Variants in CTBP1 observed in about 807,000 individuals in gnomAD.
CTBP1 encodes the protein C-terminal binding protein 1, also known as C-terminal-binding protein 1.
Under a neutral mutation model 42.1 loss-of-function variants are expected in CTBP1, and 11 were observed. The ratio of observed to expected loss-of-function variants is 0.26; its 90% CI spans 0.16 to 0.43. CTBP1 has a LOEUF of 0.43. CTBP1 is among the 20% of genes least tolerant of loss of function. CTBP1 has a pLI of 1.00. For missense variants in CTBP1, 399 were observed against 624.3 expected (o/e 0.64, Z 3.85); for synonymous variants, 324 against 277.1 (o/e 1.17, Z -1.68).
chr4:1,243,666 T>C (rs1732421069), intron 1 of CTBP1: 1 of 985,430 alleles, frequency 1.0e-6, no homozygotes, highest in African/African-American at 1.7e-5. Context: ...CCAGAGGCCC[T>C]GCGCACCTCA....
In CTBP1 at chr4:1,230,654, T is replaced by G. The variant is rs890714136; in HGVS notation, c.163-2311A>C. Among the ~76,000 whole-genome samples, 4 of 152,252 alleles carry G rather than the reference T, an allele frequency of 2.6e-5. No homozygotes were observed. The East Asian group carries it at 7.7e-4, about 29-fold the overall frequency. On this transcript the variant is annotated intron_variant, in intron 3 of 9. Transcript: ENST00000382952. ...GCTTGTGTGTACGCAGGCAACAGCC[T>G]GCTTTCACCCGGAGCACTGGCCACG...
At chr4:1,247,508 G>A (rs1577087079) in intron 1 of CTBP1, among the ~76,000 whole-genome samples, 1 of 152,078 alleles carries the variant, frequency 6.6e-6, no homozygotes, top group Admixed American at 6.5e-5. Context: ...GCAGAGCCAC[G>A]CCCTACAAAG....
intron 5 of CTBP1, among the ~76,000 whole-genome samples, chr4:1,223,735 C>A (rs1465860108): frequency 6.6e-6 from 1 of 152,096 alleles, no homozygotes; most frequent in Non-Finnish European, 1.5e-5. Context: ...TGCTCCCCCT[C>A]CCTCACGGGG....
At position 1,211,970 on chromosome 4, in the gene CTBP1, A is replaced by G; in HGVS notation, c.*270T>C. Reference sequence around the variant, plus strand: ...GCAAACAGATCCTTTGTAATGTTCTAAAAACTGTACACAGACAAGAACGTT... The same window carrying G: ...GCAAACAGATCCTTTGTAATGTTCTGAAAACTGTACACAGACAAGAACGTT... On this transcript the variant is annotated 3_prime_UTR_variant, in exon 10 of 10. Coordinates refer to ENST00000382952, the MANE Select transcript of CTBP1 (RefSeq NM_001012614.2). 1 of 332,462 alleles carries G rather than the reference A, an allele frequency of 3.0e-6. No individual in the cohort carries two copies. Among genetic ancestry groups the G allele is most frequent in the East Asian group, 4.6e-5 (1 of 21,538 alleles). The allele number at this position is 332,462 out of a possible 1,614,324, so 20.6% of individuals were successfully genotyped here.
chr4:1,233,518 C>T lies in CTBP1; in HGVS notation c.162+4665G>A, dbSNP rs1367953059. 6.6e-6 allele frequency among the ~76,000 whole-genome samples: 1 copy of T among 152,146 alleles called. No individual in the cohort carries two copies. The highest frequency in any genetic ancestry group is 1.9e-4 in the East Asian group (1 of 5,188). On this transcript the variant is annotated intron_variant, in intron 3 of 9. Coordinates refer to ENST00000382952, the MANE Select transcript of CTBP1 (RefSeq NM_001012614.2). This position sits in a 1 kb window ranked among gnomAD's most constrained non-coding sequence, Gnocchi z 4.6. ...CGCAGCCCACACCGGACGCAGCCTC[C>T]AGGCTCCAGGGCTTCCTTTTTCTTG...
intron 3 of CTBP1, among the ~76,000 whole-genome samples, chr4:1,230,708 GCACGT>G (rs1730876470): frequency 6.6e-6 from 1 of 152,252 alleles, no homozygotes. Context: ...CTGAACCGCG[GCACGT>G]CACCTCCCGC....
chr4:1,222,007 A>G (rs923941664), intron 5 of CTBP1, among the ~76,000 whole-genome samples: 16 of 152,178 alleles, frequency 1.1e-4, no homozygotes, highest in Admixed American at 2.0e-4. Context: ...CACGCTGCCC[A>G]GGGCTTCCAC....
rs1730245019 is a variant in CTBP1, at chr4:1,225,576, C to T, written c.308-10G>A. ...TTGCAGACGGCAATGCCTGTGGGGA[C>T]AAGGACACGGCGGTCACCCCCGGGC... On this transcript the variant is annotated splice_polypyrimidine_tract_variant and intron_variant, in intron 4 of 9. Transcript: ENST00000382952. 6.5e-7 allele frequency: 1 copy of T among 1,537,902 alleles called. No individual in the cohort carries two copies. Among genetic ancestry groups the T allele is most frequent in the Non-Finnish European group, 8.7e-7 (1 of 1,146,012 alleles).
rs1733086993 is a variant in CTBP1, at chr4:1,249,051, C to T, written c.-324G>A. ...GCGGCCTCGGCGCCGTCCGCTGCTC[C>T]GCCCGCCCGCCTGCGCCTGGCCGCC... On this transcript the variant is annotated 5_prime_UTR_variant, in exon 1 of 10. Transcript: ENST00000382952. 4.2e-6 allele frequency: 2 copies of T among 477,722 alleles called. No homozygotes were observed. Among genetic ancestry groups the T allele is most frequent in the South Asian group, 8.6e-5 (1 of 11,676 alleles). The allele number at this position is 477,722 out of a possible 1,614,324, so 29.6% of individuals were successfully genotyped here.
At position 1,249,005 on chromosome 4, in the gene CTBP1, G is replaced by T. The variant is rs1733080750; in HGVS notation, c.-278C>A. ...CCCGACCACTCCGGCGCGCTGCGCC[G>T]CCGCGAGCCCGGCGCGTGGGGCGGC... On this transcript the variant is annotated 5_prime_UTR_variant, in exon 1 of 10. Coordinates refer to ENST00000382952, the MANE Select transcript of CTBP1 (RefSeq NM_001012614.2). 2 of 936,146 alleles carry T rather than the reference G, an allele frequency of 2.1e-6. No individual in the cohort carries two copies. Among genetic ancestry groups the T allele is most frequent in the Non-Finnish European group, 2.5e-6 (2 of 788,182 alleles). The allele number at this position is 936,146 out of a possible 1,614,324, so 58.0% of individuals were successfully genotyped here.
At position 1,241,504 on chromosome 4, in the gene CTBP1, C is replaced by T. The variant is rs779165081; in HGVS notation, c.-173G>A. Reference sequence around the variant, plus strand: ...CCGCGGCAATCACTGAAGCCTGCGTCGGGGTCAAAGTCTTACTAAAAATCA... The same window carrying T: ...CCGCGGCAATCACTGAAGCCTGCGTTGGGGTCAAAGTCTTACTAAAAATCA... On this transcript the variant is annotated 5_prime_UTR_variant, in exon 2 of 10. Coordinates refer to ENST00000382952, the MANE Select transcript of CTBP1 (RefSeq NM_001012614.2). 9.4e-6 allele frequency: 15 copies of T among 1,600,170 alleles called. No individual in the cohort carries two copies. The highest frequency in any genetic ancestry group is 1.1e-5 in the South Asian group (1 of 90,230).
chr4:1,242,711 C>T (rs1732305058), intron 1 of CTBP1: 1 of 985,128 alleles, frequency 1.0e-6, no homozygotes, highest in Admixed American at 6.1e-5. Flanking sequence ...GCGGGATCCC[C>T]ATCACCTGCG....
At chr4:1,250,280 G>T (rs757508976), upstream of CTBP1, 3 of 230,456 alleles carry the variant, frequency 1.3e-5, no homozygotes, top group Non-Finnish European at 2.7e-5. Flanking sequence ...CCCTCAGCCA[G>T]ACCTGCCCTG....
At chr4:1,226,967 C>T (rs111808830) in intron 4 of CTBP1, among the ~76,000 whole-genome samples, 91 of 152,184 alleles carry the variant, frequency 6.0e-4, no homozygotes, top group African/African-American at 2.1e-3. Flanking sequence ...GAAGCAAAAC[C>T]GTGAGGCGCT....
chr4:1,247,441 G>C (rs986716855), intron 1 of CTBP1, among the ~76,000 whole-genome samples: 2 of 152,082 alleles, frequency 1.3e-5, no homozygotes, highest in Non-Finnish European at 2.9e-5. Context: ...CCCAGAGGGA[G>C]GTGGCCAGGC....
chr4:1,245,359 C>G (rs1202582887), intron 1 of CTBP1: 3 of 985,300 alleles, frequency 3.0e-6, no homozygotes, highest in Non-Finnish European at 3.6e-6. Context: ...CTGTGAGCTC[C>G]AGGAACCCCC....
intron 7 of CTBP1, 182 bp downstream of exon 7, chr4:1,214,161 C>T: frequency 1.3e-6 from 1 of 755,710 alleles, no homozygotes; most frequent in East Asian, 3.3e-5. Flanking sequence ...CGAGGCAAGG[C>T]AGGCCTAGAG....
In CTBP1 at chr4:1,238,657, C is replaced by T. The variant is rs1024992907; in HGVS notation, c.8-320G>A. On this transcript the variant is annotated intron_variant, in intron 2 of 9. Transcript: ENST00000382952. The surrounding 1 kb of genome is among the most constrained non-coding windows in gnomAD (Gnocchi z 5.9). ...GAGATCCTCCCAGACCCTCTGAGAC[C>T]CTCTCACACCCTCCAAGACCCTCCG... 2.5e-4 allele frequency among the ~76,000 whole-genome samples: 38 copies of T among 150,754 alleles called. No homozygotes were observed. Among genetic ancestry groups the T allele is most frequent in the African/African-American group, 8.1e-4 (33 of 40,904 alleles).
chr4:1,220,290 A>C (rs1280227129), intron 5 of CTBP1, among the ~76,000 whole-genome samples: 1 of 139,764 alleles, frequency 7.2e-6, no homozygotes, highest in Non-Finnish European at 1.6e-5. Flanking sequence ...GACTGTCTCC[A>C]AAAAAAAAAA....
Sources: allele counts gnomAD v4.1 joint callset (sites outside exome capture counted in the v4.1 genomes callset), GRCh38; gene constraint gnomAD v4.1.1; non-coding constraint Gnocchi (gnomAD v3.1); transcripts MANE v1.5; gene names NCBI Gene and HGNC (gene_info 2026-07-23, HGNC 2026-07-21).